AMMECR1: variants seen among roughly 807,000 people sequenced by gnomAD.
AMMECR1 encodes nuclear protein AMMECR1.
Under a neutral mutation model 22.5 loss-of-function variants are expected in AMMECR1, and 3 were observed. The observed-to-expected ratio is 0.13, with a 90% CI of 0.06 to 0.35. AMMECR1 has a LOEUF of 0.35. AMMECR1 is among the 10% of genes least tolerant of loss of function. The pLI is 1.00. For synonymous variants in AMMECR1, 130 were observed against 116.7 expected (o/e 1.11, Z -0.74); for missense variants, 235 against 278.7 (o/e 0.84, Z 1.12).
At chrX:110,366,380 C>T (rs1447917258) in intron 2 of AMMECR1, among the ~76,000 whole-genome samples, 3 of 111,239 alleles carry the variant, frequency 2.7e-5, no homozygotes, top group South Asian at 3.8e-4. Context: ...TGGGGTATAC[C>T]GGATTTGAAA....
At chrX:110,346,664 TAAG>T in intron 2 of AMMECR1, 1 of 589,444 alleles carries the variant, frequency 1.7e-6, no homozygotes, top group South Asian at 2.3e-5. Context: ...CACTGGATCA[TAAG>T]AAGTGGTTTG....
At chrX:110,330,786 C>T (rs1481076336) in intron 2 of AMMECR1, among the ~76,000 whole-genome samples, 1 of 111,598 alleles carries the variant, frequency 9.0e-6, no homozygotes, top group East Asian at 2.8e-4. Flanking sequence ...TTCACTCTCA[C>T]TCTCCATAGA....
intron 2 of AMMECR1, among the ~76,000 whole-genome samples, chrX:110,328,262 T>C (rs192045772): frequency 8.9e-6 from 1 of 111,755 alleles, no homozygotes; most frequent in Non-Finnish European, 1.9e-5. Context: ...TAACTTCATT[T>C]TCCTTATCTC....
intron 1 of AMMECR1, among the ~76,000 whole-genome samples, chrX:110,433,180 C>A (rs1002336207): frequency 1.8e-5 from 2 of 112,422 alleles, no homozygotes; most frequent in Admixed American, 1.9e-4. Context: ...ACCCTCAAGC[C>A]GAGCCTGACG....
chrX:110,381,991 C>A (rs969012351), intron 2 of AMMECR1, among the ~76,000 whole-genome samples: 1 of 110,290 alleles, frequency 9.1e-6, no homozygotes, highest in Non-Finnish European at 1.9e-5. Context: ...GTACATGTAC[C>A]CCCTGAATCT....
upstream of AMMECR1, among the ~76,000 whole-genome samples, chrX:110,322,235 A>C (rs956779131): frequency 1.3e-4 from 15 of 112,176 alleles, no homozygotes; most frequent in African/African-American, 4.9e-4. Context: ...TCTACTCTGA[A>C]TGTGGAAGAA....
chrX:110,264,198 T>C (rs1401797977), intron 2 of AMMECR1, among the ~76,000 whole-genome samples: 1 of 110,964 alleles, frequency 9.0e-6, no homozygotes, highest in Non-Finnish European at 1.9e-5. Context: ...CCGTGGACAT[T>C]TGGTCATTGG....
rs1347195090 is a variant in AMMECR1, at chrX:110,285,070, G to A, written c.474-20471C>T. Among the ~76,000 whole-genome samples the A allele has an allele frequency of 2.7e-5, 3 of 111,742 alleles. No homozygotes were observed. In the East Asian group the frequency reaches 8.4e-4, roughly 31 times the overall value. On this transcript the variant is annotated intron_variant, in intron 1 of 5. Coordinates refer to ENST00000262844, the MANE Select transcript of AMMECR1 (RefSeq NM_015365.3). ...CTGTTCACTTATCCCAATAAAATTA[G>A]TCATCTGTCCCACTAGACTATAAGC...
chrX:110,213,688 ATGC>A (rs1428980527), intron 3 of AMMECR1, among the ~76,000 whole-genome samples: 2 of 111,739 alleles, frequency 1.8e-5, no homozygotes, highest in Non-Finnish European at 3.8e-5. Flanking sequence ...GTGTTTAGTA[ATGC>A]TTTTTCAGAA....
chrX:110,383,300 C>T (rs2068433322), intron 2 of AMMECR1, among the ~76,000 whole-genome samples: 1 of 111,237 alleles, frequency 9.0e-6, no homozygotes, highest in Non-Finnish European at 1.9e-5. Context: ...GTATAAACTT[C>T]ATACCCTCCT....
intron 1 of AMMECR1, among the ~76,000 whole-genome samples, chrX:110,304,042 T>G (rs1048597640): frequency 3.6e-5 from 4 of 112,256 alleles, no homozygotes; most frequent in Non-Finnish European, 3.8e-5. Flanking sequence ...CTTCAAAGCA[T>G]AATCATTCCT....
At chrX:110,272,466 G>C (rs73250295) in intron 1 of AMMECR1, among the ~76,000 whole-genome samples, 5 of 111,465 alleles carry the variant, frequency 4.5e-5, no homozygotes, top group Non-Finnish European at 9.4e-5. Flanking sequence ...CAGGGAATTC[G>C]TAACACTTCA....
At chrX:110,427,663 T>C (rs2068763835) in intron 1 of AMMECR1, among the ~76,000 whole-genome samples, 1 of 112,300 alleles carries the variant, frequency 8.9e-6, no homozygotes, top group Admixed American at 9.4e-5. Flanking sequence ...CAGGTGCTTC[T>C]AATATACAGT....
chrX:110,224,561 A>G (rs1381676030), intron 2 of AMMECR1, among the ~76,000 whole-genome samples: 1 of 111,135 alleles, frequency 9.0e-6, no homozygotes, highest in African/African-American at 3.3e-5. Context: ...TCAGAAACAA[A>G]TCTACATCAA....
At chrX:110,387,589 A>G (rs1006225851) in intron 2 of AMMECR1, among the ~76,000 whole-genome samples, 4 of 111,575 alleles carry the variant, frequency 3.6e-5, no homozygotes, top group African/African-American at 1.3e-4. Context: ...TTGGGAATGT[A>G]TGGTATTATA....
In AMMECR1 at chrX:110,271,957, G is replaced by A. The variant is rs1230301366; in HGVS notation, c.474-7358C>T. Among the ~76,000 whole-genome samples, 4 of 111,377 alleles carry A rather than the reference G, an allele frequency of 3.6e-5. No individual in the cohort carries two copies. The East Asian group carries it at 1.1e-3, about 31-fold the overall frequency. On this transcript the variant is annotated intron_variant, in intron 1 of 5. Transcript: ENST00000262844. ...TAGTTATTTTAGGCTGGGCGCAGTG[G>A]CTCACGCTTGTACTTTGGGAGGCCA...
intron 2 of AMMECR1, among the ~76,000 whole-genome samples, chrX:110,388,223 C>A (rs2068471554): frequency 1.8e-5 from 2 of 111,711 alleles, no homozygotes; most frequent in Non-Finnish European, 3.8e-5. Context: ...GGGCCCACAT[C>A]AAGTTTTTCT....
chrX:110,304,794 C>A (rs894322491), intron 1 of AMMECR1, among the ~76,000 whole-genome samples: 4 of 112,050 alleles, frequency 3.6e-5, no homozygotes, highest in Non-Finnish European at 7.5e-5. Flanking sequence ...CCTTACAGGT[C>A]CCCTTTCTTG....
chrX:110,376,423 C>A (rs1194525596), intron 2 of AMMECR1, among the ~76,000 whole-genome samples: 2 of 111,454 alleles, frequency 1.8e-5, no homozygotes, highest in Admixed American at 9.5e-5. Context: ...ACCAGATGGC[C>A]TTAATCTGAG....
Sources: gnomAD v4.1 joint callset for allele counts (sites outside exome capture counted in the v4.1 genomes callset) on GRCh38, gnomAD v4.1.1 for gene constraint, MANE v1.5 for transcripts, NCBI Gene and HGNC (gene_info 2026-07-23, HGNC 2026-07-21) for gene names.